Variants in EPM2A observed in about 807,000 individuals in gnomAD.
EPM2A encodes the protein EPM2A glucan phosphatase, laforin.
Under a neutral mutation model 26.5 loss-of-function variants are expected in EPM2A, and 21 were observed. The ratio of observed to expected loss-of-function variants is 0.79; its 90% CI spans 0.56 to 1.14. The LOEUF is 1.14. Among genes scored for constraint, EPM2A ranks in the 50% most tolerant of loss-of-function variants. EPM2A has a pLI of 0.00. For missense variants in EPM2A, 458 were observed against 440.8 expected, an observed-to-expected ratio of 1.04 and a Z score of -0.35; for synonymous variants, 217 against 177.6, an observed-to-expected ratio of 1.22 and a Z score of -1.76.
At chr6:145,389,538 C>G (rs190637681) in intron 4 of EPM2A, among the ~76,000 whole-genome samples, 17 of 152,260 alleles carry the variant, frequency 1.1e-4, no homozygotes, top group Non-Finnish European at 2.4e-4. Context: ...TTAATGTTAA[C>G]TCTCTTTTGC....
intron 2 of EPM2A, among the ~76,000 whole-genome samples, chr6:145,596,964 G>GGCTCTCA (rs1407397808): frequency 7.1e-4 from 96 of 135,530 alleles, no homozygotes; most frequent in African/African-American, 2.6e-3. Flanking sequence ...GCGCAATCTC[G>GGCTCTCA]GCTCACTGCA....
chr6:145,517,131 A>T (rs1402753258), intron 2 of EPM2A, among the ~76,000 whole-genome samples: 1 of 152,172 alleles, frequency 6.6e-6, no homozygotes, highest in Non-Finnish European at 1.5e-5. Flanking sequence ...CCACTCATAC[A>T]AGGTAGCTAA....
At chr6:145,679,418 CAA>C (rs920621666) in intron 2 of EPM2A, among the ~76,000 whole-genome samples, 9 of 146,736 alleles carry the variant, frequency 6.1e-5, no homozygotes, top group African/African-American at 2.3e-4. Context: ...TAATAAAAAA[CAA>C]AAAAGGAGAA....
At chr6:145,575,222 G>A (rs569942419) in intron 2 of EPM2A, among the ~76,000 whole-genome samples, 1 of 152,122 alleles carries the variant, frequency 6.6e-6, no homozygotes, top group Non-Finnish European at 1.5e-5. Context: ...TGGGGATGGG[G>A]AAGCTGTTTA....
chr6:145,722,095 G>A (rs952357346), intron 1 of EPM2A, among the ~76,000 whole-genome samples: 3 of 152,206 alleles, frequency 2.0e-5, no homozygotes, highest in Non-Finnish European at 2.9e-5. Context: ...GATACGGGGG[G>A]AGATAGAATG....
chr6:145,420,826 C>T (rs144414857), intron 4 of EPM2A, among the ~76,000 whole-genome samples: 30 of 152,024 alleles, frequency 2.0e-4, no homozygotes, highest in African/African-American at 7.0e-4. Context: ...AAGGGTAAGA[C>T]AGCATGAATG....
intron 1 of EPM2A, among the ~76,000 whole-genome samples, chr6:145,718,712 A>G (rs1363054945): frequency 6.6e-6 from 1 of 152,346 alleles, no homozygotes. Flanking sequence ...AATTTTCGCA[A>G]CCTACTCATC....
At chr6:145,394,301 C>T (rs539588706) in intron 4 of EPM2A, among the ~76,000 whole-genome samples, 2 of 152,242 alleles carry the variant, frequency 1.3e-5, no homozygotes, top group South Asian at 2.1e-4. Flanking sequence ...ACTGACCTTA[C>T]TCATGTCTTT....
At chr6:145,735,811 C>G (rs992444708), upstream of EPM2A, 4 of 184,120 alleles carry the variant, frequency 2.2e-5, no homozygotes, top group Non-Finnish European at 4.2e-5. Flanking sequence ...AAACGGGGTT[C>G]GGGGAGGGAG....
intron 4 of EPM2A, among the ~76,000 whole-genome samples, chr6:145,390,715 T>A (rs1197437247): frequency 6.6e-6 from 1 of 152,174 alleles, no homozygotes; most frequent in Non-Finnish European, 1.5e-5. Context: ...ATAGTTGATG[T>A]AAAAGATGTA....
intron 2 of EPM2A, among the ~76,000 whole-genome samples, chr6:145,566,805 G>T (rs1780889690): frequency 6.6e-6 from 1 of 152,178 alleles, no homozygotes; most frequent in African/African-American, 2.4e-5. Flanking sequence ...TAGATTAAGA[G>T]TTTTAGGCTG....
chr6:145,616,092 G>T (rs1267099779), intron 2 of EPM2A, among the ~76,000 whole-genome samples: 1 of 152,238 alleles, frequency 6.6e-6, no homozygotes, highest in African/African-American at 2.4e-5. Flanking sequence ...GGGCATGTCA[G>T]GTCTTCACTG....
intron 1 of EPM2A, among the ~76,000 whole-genome samples, chr6:145,691,105 C>T (rs779218213): frequency 5.9e-5 from 9 of 151,698 alleles, no homozygotes; most frequent in South Asian, 2.1e-4. Flanking sequence ...AAAATAATGC[C>T]GGAAAACTTT....
chr6:145,711,117 A>G (rs1431541520), intron 1 of EPM2A, among the ~76,000 whole-genome samples: 1 of 152,216 alleles, frequency 6.6e-6, no homozygotes, highest in Non-Finnish European at 1.5e-5. Flanking sequence ...AACTTAAAGT[A>G]TAATAAAAGA....
At chr6:145,393,170 A>C (rs1222403825) in intron 4 of EPM2A, among the ~76,000 whole-genome samples, 1 of 152,068 alleles carries the variant, frequency 6.6e-6, no homozygotes, top group East Asian at 1.9e-4. Flanking sequence ...GGCCTCATGA[A>C]TTGGCTTTCG....
intron 2 of EPM2A, among the ~76,000 whole-genome samples, chr6:145,523,865 C>T (rs778896141): frequency 2.6e-5 from 4 of 152,116 alleles, no homozygotes; most frequent in Middle Eastern, 6.8e-3. Context: ...GTTTGGGATA[C>T]GAATGATCTT....
At chr6:145,651,528 A>G (rs756631503) in intron 2 of EPM2A, among the ~76,000 whole-genome samples, 3 of 152,204 alleles carry the variant, frequency 2.0e-5, no homozygotes, top group Non-Finnish European at 4.4e-5. Flanking sequence ...TCCTCTACTT[A>G]GCAACGCACA....
intron 4 of EPM2A, among the ~76,000 whole-genome samples, chr6:145,459,226 T>C (rs1779298688): frequency 6.6e-6 from 1 of 152,104 alleles, no homozygotes; most frequent in Admixed American, 6.6e-5. Flanking sequence ...AGAGGTGATA[T>C]CAAGTATAGG....
chr6:145,534,378 G>A (rs1001038832), intron 2 of EPM2A, among the ~76,000 whole-genome samples: 2 of 152,158 alleles, frequency 1.3e-5, no homozygotes, highest in East Asian at 1.9e-4. Context: ...AATTCAGAAA[G>A]TTTTATATCT....
Sources: gnomAD v4.1 joint callset for allele counts (sites outside exome capture counted in the v4.1 genomes callset) on GRCh38, gnomAD v4.1.1 for gene constraint, MANE v1.5 for transcripts, NCBI Gene and HGNC (gene_info 2026-07-23, HGNC 2026-07-21) for gene names.